Variants in ATG13 observed in about 807,000 individuals in gnomAD.
The protein encoded by ATG13 is autophagy related 13.
Under a neutral mutation model 65.5 loss-of-function variants are expected in ATG13, and 23 were observed. The observed-to-expected ratio is 0.35, with a 90% CI of 0.25 to 0.50. The LOEUF (loss-of-function observed/expected upper bound fraction) is 0.50, where lower values mean the gene tolerates loss of function less well. ATG13 is among the 20% of genes least tolerant of loss of function. The pLI, the probability that ATG13 is intolerant of heterozygous loss-of-function variation, is 0.98. For missense variants in ATG13, 566 were observed against 677.0 expected (o/e 0.84, Z 1.82); for synonymous variants, 252 against 245.2 (o/e 1.03, Z -0.26).
At chr11:46,621,642 C>G (rs1304100303) in intron 1 of ATG13, among the ~76,000 whole-genome samples, 1 of 152,054 alleles carries the variant, frequency 6.6e-6, no homozygotes, top group Non-Finnish European at 1.5e-5. Flanking sequence ...GCAACTTGCC[C>G]ACCTCTCAAC....
In ATG13 at chr11:46,672,309, G is replaced by T; in HGVS notation, c.1630G>T (p.Ala544Ser). ...VHEKNVREFDAFVETLQ is the reference protein window; with the variant it reads ...VHEKNVREFDSFVETLQ ...TGAGAAGAATGTCCGCGAGTTTGAT[G>T]CCTTTGTGGAAACCCTGCAGTAAAA... The change falls in exon 19 of 19, where the codon GCC (alanine) becomes TCC (serine). Residue 544 changes from alanine to serine, a missense_variant. Physicochemically the swap from Ala to Ser is moderately conservative, Grantham distance 99. Around this residue, in one of 2 missense-constraint regions of ATG13, gnomAD observed 387 missense variants for 409.8 expected, o/e 0.94. Coordinates refer to ENST00000683050, the MANE Select transcript of ATG13 (RefSeq NM_001346311.2). 1.2e-6 allele frequency: 2 copies of T among 1,614,228 alleles called. No homozygotes were observed. Among genetic ancestry groups the T allele is most frequent in the East Asian group, 4.5e-5 (2 of 44,880 alleles).
intron 14 of ATG13, among the ~76,000 whole-genome samples, chr11:46,666,518 T>C (rs2062397335): frequency 6.6e-6 from 1 of 152,204 alleles, no homozygotes; most frequent in Non-Finnish European, 1.5e-5. Flanking sequence ...AGTGATACAT[T>C]CTGTAAAACT....
Position 46,659,268 on chromosome 11 carries a change from C to G in ATG13, c.696-124C>G, listed in dbSNP as rs2060654459. On this transcript the variant is annotated intron_variant, in intron 10 of 18. Transcript: ENST00000683050. ...TTGAGGACTCCACATGCCTTTCTTGCCAGTACGAACTGTGTGAAACCGTTC... is the reference window on the plus strand; with the variant it reads ...TTGAGGACTCCACATGCCTTTCTTGGCAGTACGAACTGTGTGAAACCGTTC... 8.7e-6 allele frequency: 6 copies of G among 686,286 alleles called. No individual in the cohort carries two copies. In the South Asian group the frequency reaches 1.1e-4, roughly 13 times the overall value. The allele number at this position is 686,286 out of a possible 1,614,324, so 42.5% of individuals were successfully genotyped here. A position where few individuals can be genotyped will look rare whatever the true frequency, so the allele number is the denominator to read the frequency against.
Position 46,659,395 on chromosome 11 carries a change from T to C in ATG13, c.699T>C (p.Thr233=). 1 of 1,611,972 alleles carries C rather than the reference T, an allele frequency of 6.2e-7. No homozygotes were observed. Among genetic ancestry groups the C allele is most frequent in the East Asian group, 2.2e-5 (1 of 44,872 alleles). Residue 233 remains threonine (T), a synonymous_variant, in exon 11 of 19, where the codon ACT becomes ACC. Transcript: ENST00000683050. ...TATTTCTTTCTTTTCACTTTAGAAC[T>C]GCTGGTGAGGACACTGGAGTAATAT... ...SSPMHPCNYR[T]AGEDTGVIYP...
At position 46,657,186 on chromosome 11, in the gene ATG13, T is replaced by C; in HGVS notation, c.591T>C (p.Ser197=). Residue 197 remains serine, a synonymous_variant, in exon 9 of 19, where the codon TCT becomes TCC. Coordinates refer to ENST00000683050, the MANE Select transcript of ATG13 (RefSeq NM_001346311.2). ...ACAGAATTAACTTGGCATTCATGTCTACCAGGTGAGGAAGAGCCCTGGAAT... is the reference window on the plus strand; with the variant it reads ...ACAGAATTAACTTGGCATTCATGTCCACCAGGTGAGGAAGAGCCCTGGAAT... ...CAYRINLAFM[S]TRQFERTPPI... 2 of 1,612,704 alleles carry C rather than the reference T, an allele frequency of 1.2e-6. No individual in the cohort carries two copies. Among genetic ancestry groups the C allele is most frequent in the Non-Finnish European group, 1.7e-6 (2 of 1,178,838 alleles).
intron 2 of ATG13, among the ~76,000 whole-genome samples, chr11:46,631,661 C>G (rs548826031): frequency 1.3e-5 from 2 of 152,264 alleles, no homozygotes; most frequent in East Asian, 3.9e-4. Context: ...GCCAGGAGTT[C>G]AAGACCAGCC....
chr11:46,624,512 AAC>A lies in ATG13; in HGVS notation c.-69-5530_-69-5529del, dbSNP rs2048817767. ...GATTTTTTTTTTTTTGTTCTTTTAT[AAC>A]ACTGACGTTTTTGAAGAGTGACGAG... On this transcript the variant is annotated intron_variant, in intron 1 of 18. Transcript: ENST00000683050. 2.6e-5 allele frequency among the ~76,000 whole-genome samples: 4 copies of A among 151,086 alleles called. No homozygotes were observed. In the South Asian group the frequency reaches 8.3e-4, roughly 31 times the overall value.
intron 2 of ATG13, among the ~76,000 whole-genome samples, chr11:46,637,080 T>TA (rs1427541540): frequency 1.3e-5 from 2 of 152,106 alleles, no homozygotes; most frequent in Admixed American, 1.3e-4. Context: ...TTCCTAAGGA[T>TA]AAGGGGTATT....
intron 1 of ATG13, among the ~76,000 whole-genome samples, chr11:46,618,880 C>T (rs1208465886): frequency 6.6e-6 from 1 of 151,978 alleles, no homozygotes; most frequent in Non-Finnish European, 1.5e-5. Flanking sequence ...TACAGTGGCG[C>T]CTTCATAGCT....
rs761839503 is a variant in ATG13 at position 46,668,568 on chromosome 11, G to A, written c.1321G>A (p.Asp441Asn). 30 of 1,614,044 alleles carry A rather than the reference G, an allele frequency of 1.9e-5. No homozygotes were observed. The highest frequency in any genetic ancestry group is 2.2e-5 in the Non-Finnish European group (26 of 1,179,988). ...CAAGAATTTGGAGCTGGAGGATACC[G>A]ATCCAATGGTGAGCCCACCGTTGAC... ...APKNLELEDT[D>N]PMVNPPDSPE... Residue 441 changes from aspartate (D) to asparagine (N), a missense_variant, in exon 16 of 19, where the codon GAT (aspartate) becomes AAT (asparagine). Physicochemically the swap from Asp to Asn is conservative, Grantham distance 23 (BLOSUM62 1). Coordinates refer to ENST00000683050, the MANE Select transcript of ATG13 (RefSeq NM_001346311.2).
intron 11 of ATG13, among the ~76,000 whole-genome samples, chr11:46,660,417 CT>C (rs71455295): frequency 4.2e-5 from 6 of 141,646 alleles, no homozygotes; most frequent in Non-Finnish European, 6.2e-5. Context: ...TTCTTTTTCC[CT>C]TTTTTTTTTG....
intron 11 of ATG13, 35 bp from the exon 12 acceptor site, chr11:46,663,962 T>C: frequency 1.6e-6 from 2 of 1,227,216 alleles, no homozygotes; most frequent in Non-Finnish European, 2.2e-6. Context: ...TTTTTTTTTT[T>C]TGTTTCTCCT....
At chr11:46,645,533 A>G (rs867822449) in intron 4 of ATG13, 114 bp downstream of exon 4, 4 of 879,558 alleles carry the variant, frequency 4.5e-6, no homozygotes, top group African/African-American at 1.7e-5. Context: ...AAAGTAAAAT[A>G]TCTAATTCCA....
intron 14 of ATG13, among the ~76,000 whole-genome samples, chr11:46,667,167 T>A (rs1026245340): frequency 3.9e-5 from 6 of 152,072 alleles, no homozygotes; most frequent in African/African-American, 1.4e-4. Context: ...CTGGCTGGAG[T>A]CCAGGGGCCA....
chr11:46,620,261 G>A (rs1372395398), intron 1 of ATG13, among the ~76,000 whole-genome samples: 1 of 150,324 alleles, frequency 6.7e-6, no homozygotes, highest in Non-Finnish European at 1.5e-5. Flanking sequence ...GCCTGGCTAA[G>A]TTTTTGTATT....
In ATG13 at chr11:46,670,436, G is replaced by A. The variant is rs187535122; in HGVS notation, c.1575+904G>A. Among the ~76,000 whole-genome samples, 213 of 150,412 alleles carry A rather than the reference G, an allele frequency of 1.4e-3. 1 individual carries two copies. Among genetic ancestry groups the A allele is most frequent in the Admixed American group, 4.7e-3 (70 of 15,048 alleles). On this transcript the variant is annotated intron_variant, in intron 18 of 18. Transcript: ENST00000683050. ...GTGGGGGTTGCAGTGAGCCAAGATTGGATCACTGCACTCCAACCCGGGTGA... is the reference window on the plus strand; with the variant it reads ...GTGGGGGTTGCAGTGAGCCAAGATTAGATCACTGCACTCCAACCCGGGTGA...
At chr11:46,650,694 C>G (rs1488602764) in intron 7 of ATG13, among the ~76,000 whole-genome samples, 1 of 152,196 alleles carries the variant, frequency 6.6e-6, no homozygotes, top group Non-Finnish European at 1.5e-5. Context: ...CAGCCTCTGC[C>G]TCCCGGGTTC....
chr11:46,631,142 AAT>A (rs1356633232), intron 2 of ATG13, among the ~76,000 whole-genome samples: 2 of 152,288 alleles, frequency 1.3e-5, no homozygotes, highest in African/African-American at 4.8e-5. Context: ...AATTTAGATA[AAT>A]ATGTCTTATC....
chr11:46,650,690 C>T (rs1172143858), intron 7 of ATG13, among the ~76,000 whole-genome samples: 6 of 152,214 alleles, frequency 3.9e-5, no homozygotes, highest in African/African-American at 1.4e-4. Context: ...ATTGCAGCCT[C>T]TGCCTCCCGG....
Sources: allele counts gnomAD v4.1 joint callset (sites outside exome capture counted in the v4.1 genomes callset), GRCh38; gene constraint gnomAD v4.1.1; regional missense constraint gnomAD v4.1.1; transcripts MANE v1.5; gene names NCBI Gene and HGNC (gene_info 2026-07-23, HGNC 2026-07-21).